The following EML1 variants were observed in gnomAD, a reference collection of about 807,000 sequenced individuals.
The protein encoded by EML1 is EMAP like 1.
A neutral mutation model predicts 110.4 loss-of-function variants in EML1; 27 were observed. The observed-to-expected ratio is 0.24, with a 90% CI of 0.18 to 0.34. The LOEUF is 0.34. Ranked by LOEUF, EML1 falls within the 10% of genes least tolerant of loss-of-function variation. The pLI is 1.00. For missense variants in EML1, 741 were observed against 1,030.9 expected (o/e 0.72, Z 3.85); for synonymous variants, 344 against 385.8 (o/e 0.89, Z 1.27).
chr14:99,817,635 C>T (rs1180161121), intron 1 of EML1, among the ~76,000 whole-genome samples: 3 of 152,138 alleles, frequency 2.0e-5, no homozygotes, highest in Non-Finnish European at 4.4e-5. Context: ...GTCTGTGGAC[C>T]ACACTTTTAG....
chr14:99,873,921 G>T (rs1197381288), intron 3 of EML1, among the ~76,000 whole-genome samples: 1 of 152,208 alleles, frequency 6.6e-6, no homozygotes, highest in Non-Finnish European at 1.5e-5. Flanking sequence ...TGTCTGTTGA[G>T]CAGATCACTG....
chr14:99,930,776 A>C (rs2060353420), intron 17 of EML1, among the ~76,000 whole-genome samples: 1 of 152,148 alleles, frequency 6.6e-6, no homozygotes, highest in Non-Finnish European at 1.5e-5. Context: ...GGAAGAAAAT[A>C]ACTTCCTATT....
intron 8 of EML1, among the ~76,000 whole-genome samples, chr14:99,899,164 G>A (rs2059719668): frequency 6.8e-6 from 1 of 147,204 alleles, no homozygotes; most frequent in Non-Finnish European, 1.5e-5. Context: ...CTTTTATATA[G>A]CTTGTTATTG....
intron 1 of EML1, among the ~76,000 whole-genome samples, chr14:99,764,172 C>A (rs982675767): frequency 1.3e-5 from 2 of 152,198 alleles, no homozygotes; most frequent in Non-Finnish European, 2.9e-5. Flanking sequence ...GTGGCTCACT[C>A]TTCCATGAGG....
At chr14:99,837,989 C>CG (rs2058569074) in intron 1 of EML1, among the ~76,000 whole-genome samples, 1 of 152,110 alleles carries the variant, frequency 6.6e-6, no homozygotes, top group South Asian at 2.1e-4. Flanking sequence ...TTTGTAGAGA[C>CG]GGGGTCTCAC....
chr14:99,809,922 G>A (rs980915563), intron 1 of EML1, among the ~76,000 whole-genome samples: 1 of 152,166 alleles, frequency 6.6e-6, no homozygotes, highest in African/African-American at 2.4e-5. Flanking sequence ...GTCTGAATCT[G>A]AGTTCAAAAA....
chr14:99,835,601 T>C (rs2058527667), intron 1 of EML1, among the ~76,000 whole-genome samples: 1 of 152,216 alleles, frequency 6.6e-6, no homozygotes, highest in Admixed American at 6.5e-5. Context: ...ATGTCGATGT[T>C]GGGTGACATA....
At chr14:99,877,651 T>C (rs1034950976) in intron 3 of EML1, among the ~76,000 whole-genome samples, 6 of 152,178 alleles carry the variant, frequency 3.9e-5, no homozygotes, top group Non-Finnish European at 8.8e-5. Flanking sequence ...ACAAAGGCAT[T>C]GTACACAGGG....
At chr14:99,927,180 T>C (rs759336334) in intron 17 of EML1, among the ~76,000 whole-genome samples, 1 of 152,254 alleles carries the variant, frequency 6.6e-6, no homozygotes, top group Non-Finnish European at 1.5e-5. Flanking sequence ...ACAATTTGTT[T>C]AAACCAGGAA....
At chr14:99,887,919 AT>A (rs2059510655) in intron 4 of EML1, among the ~76,000 whole-genome samples, 1 of 152,194 alleles carries the variant, frequency 6.6e-6, no homozygotes, top group African/African-American at 2.4e-5. Flanking sequence ...TTGTGGGCTT[AT>A]ATGCCAAGAT....
intron 1 of EML1, among the ~76,000 whole-genome samples, chr14:99,762,220 C>T (rs1173424861): frequency 6.6e-6 from 1 of 152,100 alleles, no homozygotes; most frequent in Non-Finnish European, 1.5e-5. Flanking sequence ...CACTGAATTG[C>T]TTTTAAATCT....
intron 10 of EML1, among the ~76,000 whole-genome samples, chr14:99,908,000 T>C (rs2059883513): frequency 6.6e-6 from 1 of 152,234 alleles, no homozygotes; most frequent in South Asian, 2.1e-4. Flanking sequence ...CATCCAGTCA[T>C]GTATTTGCTG....
chr14:99,882,034 T>C (rs1010209160), intron 4 of EML1, among the ~76,000 whole-genome samples: 1 of 152,226 alleles, frequency 6.6e-6, no homozygotes, highest in Admixed American at 6.5e-5. Context: ...TTCAAATACT[T>C]TGTAACAAGC....
chr14:99,741,321 C>T (rs935769614), intron 1 of EML1, among the ~76,000 whole-genome samples: 2 of 152,174 alleles, frequency 1.3e-5, no homozygotes, highest in African/African-American at 4.8e-5. Flanking sequence ...TGTGTTGAGA[C>T]ATGGCTGCCC....
At chr14:99,924,346 A>G (rs1566940710) in intron 17 of EML1, among the ~76,000 whole-genome samples, 1 of 152,230 alleles carries the variant, frequency 6.6e-6, no homozygotes, top group Non-Finnish European at 1.5e-5. Flanking sequence ...CCCAATCCAC[A>G]GGGGCTACCT....
chr14:99,908,981 G>A (rs2059902776), intron 10 of EML1, among the ~76,000 whole-genome samples: 1 of 152,206 alleles, frequency 6.6e-6, no homozygotes, highest in African/African-American at 2.4e-5. Context: ...ACTAGCAGAT[G>A]AGAGCAAATG....
intron 16 of EML1, 80 bp downstream of exon 16, chr14:99,917,929 C>A: frequency 7.0e-7 from 1 of 1,422,296 alleles, no homozygotes. Flanking sequence ...CAGGAACAGG[C>A]CCCCGTTCAG....
chr14:99,911,158 A>C (rs2140051709), intron 12 of EML1, among the ~76,000 whole-genome samples: 1 of 152,254 alleles, frequency 6.6e-6, no homozygotes, highest in African/African-American at 2.4e-5. Context: ...CTGGGATCTA[A>C]ACTCAGAGCC....
chr14:99,934,918 A>G (rs1407051977), intron 17 of EML1, among the ~76,000 whole-genome samples: 1 of 152,232 alleles, frequency 6.6e-6, no homozygotes, highest in Non-Finnish European at 1.5e-5. Context: ...CCACACAAGC[A>G]TCGCAGCCTG....
Sources: allele counts gnomAD v4.1 joint callset (sites outside exome capture counted in the v4.1 genomes callset), GRCh38; gene constraint gnomAD v4.1.1; transcripts MANE v1.5; gene names NCBI Gene and HGNC (gene_info 2026-07-23, HGNC 2026-07-21).